Variants in ADARB2 observed in about 807,000 individuals in gnomAD.
The protein encoded by ADARB2 is adenosine deaminase RNA specific B2 (inactive), also known as inactive double-stranded RNA-specific editase B2.
In ADARB2, 25 loss-of-function variants were observed where a neutral mutation model predicts 62.2. The ratio of observed to expected loss-of-function variants is 0.40; its 90% confidence interval spans 0.29 to 0.56. The LOEUF (loss-of-function observed/expected upper bound fraction) is 0.56, where lower values mean the gene tolerates loss of function less well. Ranked by LOEUF, ADARB2 falls within the 20% of genes least tolerant of loss-of-function variation. The pLI is 0.43. For synonymous variants in ADARB2, 572 were observed against 500.8 expected, an observed-to-expected ratio of 1.14 and a Z score of -1.90; for missense variants, 1,071 against 1,077.4, an observed-to-expected ratio of 0.99 and a Z score of 0.08.
Position 1,181,040 on chromosome 10 carries a change from G to A in ADARB2, c.*2153C>T, listed in dbSNP as rs1836667935. ...GTGAATCAGACCCTGCGTCTTCCCT[G>A]TGACAGTGAAATCTGCTTACAACAC... On this transcript the variant is annotated 3_prime_UTR_variant, in exon 10 of 10. Transcript: ENST00000381312. 6.6e-6 allele frequency: 1 copy of A among 152,262 alleles called. No individual in the cohort carries two copies. The highest frequency in any genetic ancestry group is 2.1e-4 in the South Asian group (1 of 4,828). 9.4% of individuals were successfully genotyped at this position (152,262 alleles called of 1,614,324 possible).
chr10:1,364,357 C>T (rs1409176259), intron 2 of ADARB2, among the ~76,000 whole-genome samples: 1 of 152,168 alleles, frequency 6.6e-6, no homozygotes. Flanking sequence ...GGGGTCCGGC[C>T]CCCAAACTCT....
In ADARB2 at chr10:1,216,766, C is replaced by G. The variant is rs911620901; in HGVS notation, c.1682+185G>C. On this transcript the variant is annotated intron_variant, in intron 7 of 9. Coordinates refer to ENST00000381312, the MANE Select transcript of ADARB2 (RefSeq NM_018702.4). Reference sequence around the variant, plus strand: ...TTGCTCCCTCAGGGACTCGGGGTGCCTTGGCCTCAGGGTGTGGGACTGAAC... The same window carrying G: ...TTGCTCCCTCAGGGACTCGGGGTGCGTTGGCCTCAGGGTGTGGGACTGAAC... 2.6e-5 allele frequency: 21 copies of G among 800,382 alleles called. No homozygotes were observed. In the African/African-American group the frequency reaches 2.8e-4, roughly 11 times the overall value. 49.6% of individuals were successfully genotyped at this position (800,382 alleles called of 1,614,324 possible).
At chr10:1,230,313 C>T (rs1001800982) in intron 6 of ADARB2, among the ~76,000 whole-genome samples, 4 of 152,140 alleles carry the variant, frequency 2.6e-5, no homozygotes, top group Non-Finnish European at 5.9e-5. Context: ...AGGAGGGAGG[C>T]AGTGCCAGCT....
chr10:1,290,789 G>C (rs1831459290), intron 3 of ADARB2: 1 of 152,230 alleles, frequency 6.6e-6, no homozygotes, highest in Admixed American at 6.5e-5. Context: ...GGTAGTTACT[G>C]CTTTAGCAAT....
intron 1 of ADARB2, among the ~76,000 whole-genome samples, chr10:1,465,239 C>A (rs1321859186): frequency 1.3e-5 from 2 of 152,100 alleles, no homozygotes; most frequent in African/African-American, 4.8e-5. Context: ...CAGGAATGGG[C>A]CACAGAGGGT....
intron 1 of ADARB2, among the ~76,000 whole-genome samples, chr10:1,699,075 T>A (rs865806369): frequency 3.3e-5 from 5 of 152,240 alleles, no homozygotes; most frequent in Non-Finnish European, 7.3e-5. Flanking sequence ...ATGACTTTTT[T>A]TAAACCTCAT....
At chr10:1,444,335 A>ACTCATTCATCCT (rs1564290596) in intron 1 of ADARB2, among the ~76,000 whole-genome samples, 28 of 35,426 alleles carry the variant, frequency 7.9e-4, no homozygotes, top group African/African-American at 2.2e-3. Context: ...CCATCCACCC[A>ACTCATTCATCCT]GCCATCCACT....
intron 3 of ADARB2, among the ~76,000 whole-genome samples, chr10:1,326,858 T>A (rs373849518): frequency 8.5e-5 from 1 of 11,708 alleles, no homozygotes; most frequent in Admixed American, 8.3e-4. Flanking sequence ...GCCTCCCCAC[T>A]GCCCAGCGCC....
chr10:1,635,427 C>T (rs1465097799), intron 1 of ADARB2, among the ~76,000 whole-genome samples: 1 of 152,210 alleles, frequency 6.6e-6, no homozygotes, highest in Non-Finnish European at 1.5e-5. Flanking sequence ...AGCCTTGAGA[C>T]CACAGCGCTG....
chr10:1,420,004 T>C (rs960554692), intron 1 of ADARB2, among the ~76,000 whole-genome samples: 1 of 152,240 alleles, frequency 6.6e-6, no homozygotes, highest in South Asian at 2.1e-4. Context: ...CTATGCCCAG[T>C]CTGGCTTGAG....
At chr10:1,262,437 C>G (rs535259235) in intron 4 of ADARB2, among the ~76,000 whole-genome samples, 7 of 151,992 alleles carry the variant, frequency 4.6e-5, no homozygotes, top group Admixed American at 6.5e-5. Flanking sequence ...AACAAATTTA[C>G]AAGAAAAATC....
intron 6 of ADARB2, among the ~76,000 whole-genome samples, chr10:1,220,835 A>AAC (rs1238248604): frequency 2.0e-5 from 3 of 152,252 alleles, no homozygotes; most frequent in African/African-American, 7.2e-5. Flanking sequence ...ATGCCATGAC[A>AAC]ACAGGGAGGC....
chr10:1,612,578 G>A (rs1021005094), intron 1 of ADARB2, among the ~76,000 whole-genome samples: 21 of 152,336 alleles, frequency 1.4e-4, no homozygotes, highest in Non-Finnish European at 2.5e-4. Flanking sequence ...GAGAAAATTA[G>A]GGTTGAAAGT....
Position 1,178,452 on chromosome 10 carries a change from T to G in ADARB2, c.*4741A>C, listed in dbSNP as rs1306572735. 6.6e-6 allele frequency: 1 copy of G among 152,298 alleles called. No individual in the cohort carries two copies. The highest frequency in any genetic ancestry group is 2.4e-5 in the African/African-American group (1 of 41,422). The allele number at this position is 152,298 out of a possible 1,614,324, so 9.4% of individuals were successfully genotyped here. ...ACTTCCCCACCATCCTTCCTTCACT[T>G]TCTCGGATTCAGAATTTGTGGGAGA... On this transcript the variant is annotated 3_prime_UTR_variant, in exon 10 of 10. Coordinates refer to ENST00000381312, the MANE Select transcript of ADARB2 (RefSeq NM_018702.4).
At chr10:1,191,599 G>A (rs997736598) in intron 8 of ADARB2, among the ~76,000 whole-genome samples, 5 of 152,106 alleles carry the variant, frequency 3.3e-5, no homozygotes, top group Non-Finnish European at 7.3e-5. Flanking sequence ...GTTAAACCTG[G>A]TACGTAACTC....
chr10:1,439,104 A>G (rs1279791757), intron 1 of ADARB2, among the ~76,000 whole-genome samples: 2 of 146,416 alleles, frequency 1.4e-5, no homozygotes, highest in African/African-American at 5.1e-5. Flanking sequence ...AGATGGAGGC[A>G]GGTCCTTCAC....
chr10:1,576,887 C>T (rs1403309002), intron 1 of ADARB2, among the ~76,000 whole-genome samples: 1 of 152,180 alleles, frequency 6.6e-6, no homozygotes, highest in Non-Finnish European at 1.5e-5. Flanking sequence ...TGCTTGCCCT[C>T]TCCAAGCCTC....
chr10:1,305,988 G>A (rs1477706445), intron 3 of ADARB2, among the ~76,000 whole-genome samples: 4 of 152,068 alleles, frequency 2.6e-5, no homozygotes, highest in African/African-American at 9.7e-5. Flanking sequence ...TTTGAAAACT[G>A]GCACAAGACA....
intron 3 of ADARB2, among the ~76,000 whole-genome samples, chr10:1,288,550 C>G (rs147335321): frequency 1.1e-3 from 175 of 152,360 alleles, no homozygotes; most frequent in Middle Eastern, 3.4e-3. Context: ...GGAAGTCACA[C>G]TAGTTCCATG....
Sources: gnomAD v4.1 joint callset for allele counts (sites outside exome capture counted in the v4.1 genomes callset) on GRCh38, gnomAD v4.1.1 for gene constraint, MANE v1.5 for transcripts, NCBI Gene and HGNC (gene_info 2026-07-23, HGNC 2026-07-21) for gene names.